Variants in MAK observed in about 807,000 individuals in gnomAD.
The protein encoded by MAK is male germ cell associated kinase.
MAK carries 65 observed loss-of-function variants against 82.6 expected under a neutral mutation model. That is an observed-to-expected ratio of 0.79 (90% CI 0.64 to 0.97). The LOEUF is 0.97. Among genes scored for constraint, MAK ranks in the 50% least tolerant of loss-of-function variants. The pLI is 0.00. For missense variants in MAK, 703 were observed against 780.2 expected, an observed-to-expected ratio of 0.90 and a Z score of 1.18; for synonymous variants, 250 against 274.2, an observed-to-expected ratio of 0.91 and a Z score of 0.87.
At chr6:10,771,747 CA>C in intron 13 of MAK, among the ~76,000 whole-genome samples, 1 of 152,358 alleles carries the variant, frequency 6.6e-6, no homozygotes, top group South Asian at 2.1e-4. Context: ...ATACAGTGAG[CA>C]CATGCTCTCA....
At chr6:10,810,612 T>G (rs1279045870) in intron 5 of MAK, among the ~76,000 whole-genome samples, 1 of 152,204 alleles carries the variant, frequency 6.6e-6, no homozygotes, top group Non-Finnish European at 1.5e-5. Flanking sequence ...GTGCTGGGAT[T>G]ACAGGTGTGA....
At chr6:10,821,943 G>C (rs914644672) in intron 2 of MAK, among the ~76,000 whole-genome samples, 18 of 150,662 alleles carry the variant, frequency 1.2e-4, no homozygotes, top group East Asian at 4.0e-4. Flanking sequence ...GTCAGGAGAT[G>C]GAGACCCTCC....
chr6:10,787,215 C>G (rs149159618), intron 10 of MAK, among the ~76,000 whole-genome samples: 1 of 152,232 alleles, frequency 6.6e-6, no homozygotes, highest in Non-Finnish European at 1.5e-5. Flanking sequence ...TTCACCACTC[C>G]GCTAATTCAC....
chr6:10,804,603 G>A (rs1253446879), intron 6 of MAK, among the ~76,000 whole-genome samples: 2 of 152,110 alleles, frequency 1.3e-5, no homozygotes, highest in African/African-American at 4.8e-5. Context: ...TTAGCCTCCC[G>A]AAGTGCTGAG....
chr6:10,796,557 G>A (rs555068019), intron 8 of MAK, among the ~76,000 whole-genome samples: 6 of 152,288 alleles, frequency 3.9e-5, no homozygotes, highest in Admixed American at 2.6e-4. Context: ...TATAATCCTA[G>A]CACTTTGGGA....
chr6:10,823,864 G>T (rs1034151460), intron 2 of MAK, among the ~76,000 whole-genome samples: 1 of 152,162 alleles, frequency 6.6e-6, no homozygotes. Context: ...GAAAAGTATC[G>T]ATGGATCTTA....
At chr6:10,799,075 C>A (rs896030950) in intron 8 of MAK, among the ~76,000 whole-genome samples, 2 of 152,186 alleles carry the variant, frequency 1.3e-5, no homozygotes, top group African/African-American at 4.8e-5. Flanking sequence ...AAGTGATCCG[C>A]CTGCCTCGGA....
chr6:10,777,485 A>G (rs1038599116), intron 11 of MAK, among the ~76,000 whole-genome samples: 3 of 152,198 alleles, frequency 2.0e-5, no homozygotes, highest in Admixed American at 2.0e-4. Context: ...GTGTGAACAC[A>G]GTTGTCATAA....
chr6:10,783,927 G>A (rs892375246), intron 11 of MAK, among the ~76,000 whole-genome samples: 6 of 152,134 alleles, frequency 3.9e-5, no homozygotes, highest in Non-Finnish European at 8.8e-5. Context: ...GCTGAGGCAG[G>A]AGAATGGCTT....
intron 11 of MAK, among the ~76,000 whole-genome samples, chr6:10,783,307 T>C (rs1774175753): frequency 6.6e-6 from 1 of 152,204 alleles, no homozygotes; most frequent in Admixed American, 6.5e-5. Flanking sequence ...AACTCCCCAC[T>C]GTCTGTCCAG....
intron 3 of MAK, among the ~76,000 whole-genome samples, 175 bp downstream of exon 3, chr6:10,818,711 G>A (rs551344258): frequency 2.0e-5 from 3 of 151,690 alleles, no homozygotes; most frequent in Admixed American, 1.3e-4. Flanking sequence ...ATAATTATAC[G>A]CTGTTCTCCA....
chr6:10,766,053 G>A (rs914289555), intron 14 of MAK, among the ~76,000 whole-genome samples: 1 of 152,098 alleles, frequency 6.6e-6, no homozygotes, highest in Non-Finnish European at 1.5e-5. Flanking sequence ...TCCTCACCTC[G>A]AATTGAGAGC....
At chr6:10,832,458 G>A (rs1040929660) in intron 1 of MAK, among the ~76,000 whole-genome samples, 4 of 152,162 alleles carry the variant, frequency 2.6e-5, no homozygotes, top group Non-Finnish European at 5.9e-5. Context: ...GTCTCATTTT[G>A]AGAAATGGTT....
chr6:10,808,134 C>T (rs947104940), intron 6 of MAK, among the ~76,000 whole-genome samples: 12 of 152,118 alleles, frequency 7.9e-5, no homozygotes, highest in African/African-American at 2.9e-4. Flanking sequence ...AGGCACTACA[C>T]ACATCCCCAC....
In MAK at chr6:10,830,653, G is replaced by T. The variant is rs1468420116; in HGVS notation, c.-5C>A. On this transcript the variant is annotated 5_prime_UTR_variant, in exon 2 of 15. Coordinates refer to ENST00000354489, the MANE Select transcript of MAK (RefSeq NM_001242957.3). ...CATGGTTGTGTATCGGTTCATCTTGGAAAAATAATGCAGCAGAAGTTGTTG... is the reference window on the plus strand; with the variant it reads ...CATGGTTGTGTATCGGTTCATCTTGTAAAAATAATGCAGCAGAAGTTGTTG... 6.2e-7 allele frequency: 1 copy of T among 1,604,128 alleles called. No individual in the cohort carries two copies. Among genetic ancestry groups the T allele is most frequent in the Non-Finnish European group, 8.5e-7 (1 of 1,171,036 alleles).
intron 6 of MAK, 125 bp from the exon 7 acceptor site, chr6:10,804,016 C>T (rs965587445): frequency 2.5e-6 from 2 of 790,870 alleles, no homozygotes; most frequent in African/African-American, 3.4e-5. Flanking sequence ...CCTGTTCCAT[C>T]TGTGTGTCAG....
chr6:10,791,906 C>G (rs1486233280), intron 9 of MAK, 59 bp from the exon 10 acceptor site: 22 of 1,550,576 alleles, frequency 1.4e-5, no homozygotes, highest in Non-Finnish European at 1.9e-5. Flanking sequence ...CTTTCATGCA[C>G]AAGCTACTAT....
chr6:10,807,145 G>A (rs369477748), intron 6 of MAK, among the ~76,000 whole-genome samples: 21 of 151,636 alleles, frequency 1.4e-4, no homozygotes, highest in East Asian at 7.8e-4. Context: ...CACGTGTGGC[G>A]TGCACCTGTC....
intron 5 of MAK, among the ~76,000 whole-genome samples, chr6:10,812,543 C>T (rs1217232914): frequency 1.3e-5 from 2 of 151,916 alleles, no homozygotes; most frequent in East Asian, 3.9e-4. Flanking sequence ...AACACTGCTC[C>T]GTGGGTGCTA....
Sources: allele counts gnomAD v4.1 joint callset (sites outside exome capture counted in the v4.1 genomes callset), GRCh38; gene constraint gnomAD v4.1.1; transcripts MANE v1.5; gene names NCBI Gene and HGNC (gene_info 2026-07-23, HGNC 2026-07-21).